Variants in MRTFA observed in about 807,000 individuals in gnomAD.
MRTFA encodes the protein myocardin related transcription factor A.
Under a neutral mutation model 83.5 loss-of-function variants are expected in MRTFA, and 20 were observed. The observed-to-expected ratio is 0.24, with a 90% CI of 0.17 to 0.35. MRTFA has a LOEUF of 0.35. MRTFA is among the 10% of genes least tolerant of loss of function. MRTFA has a pLI of 1.00. For missense variants in MRTFA, 1,200 were observed against 1,224.7 expected, an observed-to-expected ratio of 0.98 and a Z score of 0.30; for synonymous variants, 659 against 541.2, an observed-to-expected ratio of 1.22 and a Z score of -3.02.
intron 2 of MRTFA, among the ~76,000 whole-genome samples, chr22:40,590,400 G>A (rs2056102926): frequency 6.6e-6 from 1 of 152,054 alleles, no homozygotes; most frequent in Non-Finnish European, 1.5e-5. Context: ...CGGGCGCGGT[G>A]GCTCATACCT....
intron 3 of MRTFA, among the ~76,000 whole-genome samples, chr22:40,493,975 A>C (rs2054310377): frequency 6.6e-6 from 1 of 152,240 alleles, no homozygotes; most frequent in Non-Finnish European, 1.5e-5. Context: ...CCTAGCTAAC[A>C]ACTCTTCAGG....
chr22:40,499,027 T>C (rs1002951450), intron 3 of MRTFA, among the ~76,000 whole-genome samples: 1 of 152,180 alleles, frequency 6.6e-6, no homozygotes, highest in Admixed American at 6.5e-5. Flanking sequence ...TTTCCACTTT[T>C]AGAACAGACA....
intron 3 of MRTFA, chr22:40,519,571 G>A (rs1438872339): frequency 2.2e-6 from 3 of 1,346,258 alleles, no homozygotes; most frequent in Non-Finnish European, 3.0e-6. Flanking sequence ...GGAGGTGAAA[G>A]GCAATCACGC....
At chr22:40,502,776 G>T (rs2054516847) in intron 3 of MRTFA, among the ~76,000 whole-genome samples, 1 of 151,954 alleles carries the variant, frequency 6.6e-6, no homozygotes, top group Non-Finnish European at 1.5e-5. Flanking sequence ...GCGCTCGCCG[G>T]CGCGGCGGCA....
intron 4 of MRTFA, among the ~76,000 whole-genome samples, chr22:40,460,703 G>C (rs2053695490): frequency 6.6e-6 from 1 of 152,150 alleles, no homozygotes; most frequent in Non-Finnish European, 1.5e-5. Context: ...GGAGTGTATT[G>C]TAAAGCACAG....
chr22:40,561,257 C>G (rs1276198849), intron 2 of MRTFA, among the ~76,000 whole-genome samples: 1 of 151,152 alleles, frequency 6.6e-6, no homozygotes, highest in East Asian at 1.9e-4. Flanking sequence ...TGAAGGAATT[C>G]AAATCAACTG....
chr22:40,624,873 CTT>C (rs887261339), intron 1 of MRTFA, among the ~76,000 whole-genome samples: 5 of 152,240 alleles, frequency 3.3e-5, no homozygotes, highest in African/African-American at 9.6e-5. Flanking sequence ...TAAGAATCAG[CTT>C]TCAGGTAAAG....
intron 4 of MRTFA, among the ~76,000 whole-genome samples, chr22:40,462,444 G>C (rs1487896483): frequency 6.6e-6 from 1 of 152,186 alleles, no homozygotes; most frequent in Non-Finnish European, 1.5e-5. Flanking sequence ...GCCAGAAGTT[G>C]TATGATTGTT....
chr22:40,619,204 C>A (rs886821063), intron 1 of MRTFA, among the ~76,000 whole-genome samples: 5 of 151,204 alleles, frequency 3.3e-5, no homozygotes, highest in African/African-American at 4.9e-5. Context: ...TCTGGATGGG[C>A]CTGATTCAAT....
chr22:40,504,954 A>C (rs2054556652), intron 3 of MRTFA, among the ~76,000 whole-genome samples: 1 of 152,216 alleles, frequency 6.6e-6, no homozygotes, highest in Admixed American at 6.5e-5. Context: ...GTTTCCTCTT[A>C]TTTTGTAGCA....
At chr22:40,585,505 T>C (rs917898070) in intron 2 of MRTFA, among the ~76,000 whole-genome samples, 51 of 152,146 alleles carry the variant, frequency 3.4e-4, no homozygotes, top group African/African-American at 1.2e-3. Flanking sequence ...GACAGTTGCA[T>C]AACATTATGA....
chr22:40,601,835 T>C (rs2056262657), intron 1 of MRTFA, among the ~76,000 whole-genome samples: 1 of 152,040 alleles, frequency 6.6e-6, no homozygotes, highest in Admixed American at 6.5e-5. Flanking sequence ...AGCTTGAAGA[T>C]CAAGACTGAA....
chr22:40,452,532 A>G (rs1313700587), intron 4 of MRTFA, among the ~76,000 whole-genome samples: 1 of 152,148 alleles, frequency 6.6e-6, no homozygotes, highest in African/African-American at 2.4e-5. Context: ...TATCAAAAAG[A>G]CTACTTTCAG....
At chr22:40,461,925 A>G (rs917728208) in intron 4 of MRTFA, among the ~76,000 whole-genome samples, 3 of 152,166 alleles carry the variant, frequency 2.0e-5, no homozygotes, top group Non-Finnish European at 4.4e-5. Context: ...TGCCCCAGCC[A>G]CACTGGCTTA....
At chr22:40,597,297 G>T (rs888727372) in intron 1 of MRTFA, among the ~76,000 whole-genome samples, 1 of 152,142 alleles carries the variant, frequency 6.6e-6, no homozygotes, top group Admixed American at 6.5e-5. Flanking sequence ...ACATTCTCAC[G>T]AATACGTCTG....
At chr22:40,431,574 C>CAGAGG in intron 5 of MRTFA, 94 bp from the exon 6 acceptor site, 1 of 1,138,662 alleles carries the variant, frequency 8.8e-7, no homozygotes, top group South Asian at 1.3e-5. Context: ...ATGGTAGCTG[C>CAGAGG]TGACCACCTC....
chr22:40,483,288 C>T (rs1381065856), intron 3 of MRTFA, among the ~76,000 whole-genome samples: 1 of 151,920 alleles, frequency 6.6e-6, no homozygotes, highest in Non-Finnish European at 1.5e-5. Flanking sequence ...TGGTTTCAAA[C>T]TCCTGGTCTC....
In MRTFA at chr22:40,418,607, G is replaced by C. The variant is rs1475748526; in HGVS notation, c.2131C>G (p.Pro711Ala). The change falls in exon 12 of 15, where the codon CCT becomes GCT. Residue 711 changes from proline to alanine, a missense_variant. Coordinates refer to ENST00000355630, the MANE Select transcript of MRTFA (RefSeq NM_020831.6). ...GGGGGCCCCGGGGCCACAGCACAAG[G>C]GTCTATGTGGTTGGTGGCTGGGGCC... 1 of 1,537,696 alleles carries C rather than the reference G, an allele frequency of 6.5e-7. No individual in the cohort carries two copies. Among genetic ancestry groups the C allele is most frequent in the African/African-American group, 1.4e-5 (1 of 72,138 alleles).
At chr22:40,448,296 C>A (rs571728029) in intron 4 of MRTFA, among the ~76,000 whole-genome samples, 2 of 151,766 alleles carry the variant, frequency 1.3e-5, no homozygotes, top group Admixed American at 1.3e-4. Flanking sequence ...GGCAACAGAG[C>A]GAGACTCTGT....
Sources: gnomAD v4.1 joint callset for allele counts (sites outside exome capture counted in the v4.1 genomes callset) on GRCh38, gnomAD v4.1.1 for gene constraint, MANE v1.5 for transcripts, NCBI Gene and HGNC (gene_info 2026-07-23, HGNC 2026-07-21) for gene names.